OR4K1: variants seen among roughly 807,000 people sequenced by gnomAD.
The protein encoded by OR4K1 is olfactory receptor 4K1.
OR4K1 carries 16 observed loss-of-function variants against 14.4 expected under a neutral mutation model. The observed-to-expected ratio is 1.11, with a 90% CI of 0.75 to 1.68. The LOEUF (loss-of-function observed/expected upper bound fraction) is 1.68. OR4K1 is among the 40% of genes most tolerant of loss of function. The pLI is 0.00. For synonymous variants in OR4K1, 181 were observed against 133.1 expected (o/e 1.36, Z -2.48); for missense variants, 548 against 376.9 (o/e 1.45, Z -3.76).
upstream of OR4K1, among the ~76,000 whole-genome samples, chr14:19,927,141 T>A (rs967525899): frequency 1.3e-5 from 2 of 152,254 alleles, no homozygotes; most frequent in African/African-American, 4.8e-5. Flanking sequence ...ATAGTCTAAA[T>A]CCCTTATCAA....
upstream of OR4K1, among the ~76,000 whole-genome samples, chr14:19,930,170 C>T (rs1882155020): frequency 6.6e-6 from 1 of 152,086 alleles, no homozygotes; most frequent in Admixed American, 6.6e-5. Flanking sequence ...AGTATCTCTC[C>T]TTCAGCCAGT....
chr14:19,921,123 G>C, the OR4K1 span: 1 of 1,614,014 alleles, frequency 6.2e-7, no homozygotes, highest in South Asian at 1.1e-5. Context: ...TGGACCTAAT[G>C]TAGTAGACAG....
At chr14:19,923,106 C>A in the OR4K1 span, among the ~76,000 whole-genome samples, 3 of 152,202 alleles carry the variant, frequency 2.0e-5, no homozygotes, top group Admixed American at 6.5e-5. Context: ...GGGAGCTAGG[C>A]ATCTATTTTT....
At chr14:19,930,769 G>C (rs1882167074), upstream of OR4K1, 1 of 152,188 alleles carries the variant, frequency 6.6e-6, no homozygotes, top group African/African-American at 2.4e-5. Flanking sequence ...AAATTATTTT[G>C]TAAAACATAA....
At chr14:19,927,181 A>T (rs914761355), upstream of OR4K1, among the ~76,000 whole-genome samples, 1 of 152,232 alleles carries the variant, frequency 6.6e-6, no homozygotes, top group Non-Finnish European at 1.5e-5. Context: ...ATATTTTCTT[A>T]AGCTCAATAT....
At chr14:19,933,848 G>A (rs908130314) in intron 1 of OR4K1, among the ~76,000 whole-genome samples, 35 of 152,180 alleles carry the variant, frequency 2.3e-4, no homozygotes, top group African/African-American at 8.2e-4. Context: ...GCCTCCCAAA[G>A]TGCTGGGATT....
the OR4K1 span, among the ~76,000 whole-genome samples, chr14:19,922,425 A>G: frequency 6.6e-6 from 1 of 151,952 alleles, no homozygotes; most frequent in Non-Finnish European, 1.5e-5. Flanking sequence ...TCTTCACTTC[A>G]CCTTCTGTGG....
upstream of OR4K1, among the ~76,000 whole-genome samples, chr14:19,929,389 G>A (rs1280318427): frequency 6.7e-6 from 1 of 149,708 alleles, no homozygotes; most frequent in East Asian, 2.0e-4. Flanking sequence ...GTGTGTGTGT[G>A]TGTGTGTGTG....
At chr14:19,931,398 A>G (rs1882181445) in intron 1 of OR4K1, 1 of 152,334 alleles carries the variant, frequency 6.6e-6, no homozygotes, top group Non-Finnish European at 1.5e-5. Context: ...AGAGGAACAT[A>G]TGTTACAACC....
chr14:19,922,048 G>T, the OR4K1 span, among the ~76,000 whole-genome samples: 3 of 150,214 alleles, frequency 2.0e-5, no homozygotes, highest in Admixed American at 1.3e-4. Flanking sequence ...AGTTCAAGTG[G>T]AGATTATTAG....
upstream of OR4K1, among the ~76,000 whole-genome samples, chr14:19,930,525 C>A (rs1263099397): frequency 1.3e-4 from 20 of 152,192 alleles, no homozygotes; most frequent in African/African-American, 4.8e-4. Flanking sequence ...GGAGCACAGA[C>A]TGAACTGTCT....
upstream of OR4K1, among the ~76,000 whole-genome samples, chr14:19,926,697 A>C (rs1434397518): frequency 6.6e-6 from 1 of 152,264 alleles, no homozygotes; most frequent in Non-Finnish European, 1.5e-5. Context: ...TAGTATTTCC[A>C]GTTTTCAGTG....
At chr14:19,933,178 T>C (rs1882224563) in intron 1 of OR4K1, among the ~76,000 whole-genome samples, 1 of 151,930 alleles carries the variant, frequency 6.6e-6, no homozygotes, top group Admixed American at 6.6e-5. Context: ...CTGGTATATA[T>C]TCTATACCAA....
upstream of OR4K1, among the ~76,000 whole-genome samples, chr14:19,930,274 C>G (rs1223766084): frequency 1.3e-5 from 2 of 152,154 alleles, no homozygotes; most frequent in African/African-American, 4.8e-5. Flanking sequence ...AAGATAGAAA[C>G]ACTAAGTAAT....
At chr14:19,924,543 C>T in the OR4K1 span, among the ~76,000 whole-genome samples, 1 of 151,756 alleles carries the variant, frequency 6.6e-6, no homozygotes, top group African/African-American at 2.4e-5. Context: ...TTTTGATTTG[C>T]ATTAGATGCT....
the OR4K1 span, among the ~76,000 whole-genome samples, chr14:19,922,810 C>G: frequency 6.6e-6 from 1 of 152,182 alleles, no homozygotes; most frequent in East Asian, 1.9e-4. Context: ...CCCTGGCAAC[C>G]AATGATCTGT....
intron 1 of OR4K1, among the ~76,000 whole-genome samples, chr14:19,933,559 T>C (rs1882233335): frequency 6.6e-6 from 1 of 152,214 alleles, no homozygotes; most frequent in Non-Finnish European, 1.5e-5. Flanking sequence ...TCATGCCTCG[T>C]TGATCTGTTT....
chr14:19,930,688 C>A (rs780248872), upstream of OR4K1, among the ~76,000 whole-genome samples: 119 of 152,280 alleles, frequency 7.8e-4, no homozygotes, highest in African/African-American at 2.7e-3. Context: ...ATCAAGTAAT[C>A]TTTTGCTTTC....
the OR4K1 span, among the ~76,000 whole-genome samples, chr14:19,922,807 A>C: frequency 6.6e-6 from 1 of 152,202 alleles, no homozygotes; most frequent in African/African-American, 2.4e-5. Context: ...TAACCCTGGC[A>C]ACCAATGATC....
Sources: allele counts gnomAD v4.1 joint callset (sites outside exome capture counted in the v4.1 genomes callset), GRCh38; gene constraint gnomAD v4.1.1; transcripts MANE v1.5; gene names NCBI Gene and HGNC (gene_info 2026-07-23, HGNC 2026-07-21).